Variants in ADAM22 observed in about 807,000 individuals in gnomAD.
The protein encoded by ADAM22 is disintegrin and metalloproteinase domain-containing protein 22.
In ADAM22, 65 loss-of-function variants were observed where a neutral mutation model predicts 144.6. The ratio of observed to expected loss-of-function variants is 0.45; its 90% CI spans 0.37 to 0.55. The LOEUF is 0.55. Ranked by LOEUF, ADAM22 falls within the 20% of genes least tolerant of loss-of-function variation. The probability of loss-of-function intolerance (pLI) is 0.00; values close to 1 mark genes in which losing one functional copy is unlikely to be tolerated. For missense variants in ADAM22, 974 were observed against 1,184.9 expected, an observed-to-expected ratio of 0.82 and a Z score of 2.61; for synonymous variants, 391 against 412.6, an observed-to-expected ratio of 0.95 and a Z score of 0.63.
At chr7:88,192,799 G>A (rs1849899747) in intron 30 of ADAM22, among the ~76,000 whole-genome samples, 2 of 152,152 alleles carry the variant, frequency 1.3e-5, no homozygotes, top group South Asian at 4.1e-4. Context: ...ACCATTATAA[G>A]CTCTTAGAAT....
intron 3 of ADAM22, among the ~76,000 whole-genome samples, chr7:88,050,922 G>A (rs921523744): frequency 4.6e-5 from 7 of 152,194 alleles, no homozygotes; most frequent in African/African-American, 1.7e-4. Context: ...TTTTAGACAT[G>A]AAGTCCTTGA....
intron 3 of ADAM22, among the ~76,000 whole-genome samples, chr7:88,054,285 AT>A (rs766079394): frequency 9.2e-5 from 14 of 152,350 alleles, no homozygotes; most frequent in Non-Finnish European, 1.9e-4. Context: ...CCAGAAACAT[AT>A]GAAAGTTCCT....
At chr7:88,151,391 T>C in intron 20 of ADAM22, 71 bp downstream of exon 20, 1 of 1,564,000 alleles carries the variant, frequency 6.4e-7, no homozygotes, top group Admixed American at 1.7e-5. Flanking sequence ...ACGTGTGTGC[T>C]GGAAGTAAAT....
chr7:88,153,390 G>T, intron 21 of ADAM22, 64 bp downstream of exon 21: 1 of 1,360,884 alleles, frequency 7.3e-7, no homozygotes, highest in South Asian at 1.3e-5. Context: ...TTTTTTGAGT[G>T]ACTAGGAAGT....
At chr7:88,120,164 T>G (rs932027263) in intron 7 of ADAM22, among the ~76,000 whole-genome samples, 3 of 150,878 alleles carry the variant, frequency 2.0e-5, no homozygotes, top group Non-Finnish European at 3.0e-5. Flanking sequence ...AGAACCACTG[T>G]TTTTTTTTAA....
intron 26 of ADAM22, among the ~76,000 whole-genome samples, chr7:88,176,909 T>C (rs1197910390): frequency 6.6e-6 from 1 of 152,008 alleles, no homozygotes; most frequent in Non-Finnish European, 1.5e-5. Flanking sequence ...GGATTACAGG[T>C]GTGTGCCACC....
intron 2 of ADAM22, among the ~76,000 whole-genome samples, chr7:87,937,040 T>G (rs939645748): frequency 6.6e-6 from 1 of 152,168 alleles, no homozygotes; most frequent in Non-Finnish European, 1.5e-5. Context: ...ACAGCAGCCT[T>G]GACCTCTTGG....
At chr7:88,079,575 T>C (rs1585511329) in intron 4 of ADAM22, among the ~76,000 whole-genome samples, 2 of 152,110 alleles carry the variant, frequency 1.3e-5, no homozygotes, top group Admixed American at 6.6e-5. Context: ...AGTCAAGACC[T>C]ATCAGTGTGC....
rs749335187 is a variant in ADAM22, at chr7:88,145,111, G to C, written c.1321-14G>C. The C allele has an allele frequency of 6.2e-7, 1 of 1,609,216 alleles. No homozygotes were observed. Among genetic ancestry groups the C allele is most frequent in the Non-Finnish European group, 8.5e-7 (1 of 1,178,596 alleles). ...TTTTCTATATTTTAGTTCACTTTTT[G>C]GTTTTCCTCACAGCTTCTTGATCCT... is the stretch of plus-strand genomic sequence containing the variant. On this transcript the variant is annotated splice_polypyrimidine_tract_variant and intron_variant, in intron 15 of 31. Coordinates refer to ENST00000413139, the MANE Select transcript of ADAM22 (RefSeq NM_001324418.2).
intron 3 of ADAM22, among the ~76,000 whole-genome samples, chr7:88,061,103 C>CA (rs541347471): frequency 5.2e-4 from 72 of 138,814 alleles, no homozygotes; most frequent in Middle Eastern, 3.7e-3. Flanking sequence ...GACTCTGTCT[C>CA]AAAAAAAAAA....
rs868537444 is a variant in ADAM22, at chr7:87,955,003, T to A, written c.246+19817T>A. Among the ~76,000 whole-genome samples, 82 of 152,340 alleles carry A rather than the reference T, an allele frequency of 5.4e-4. 1 individual carries two copies. Among genetic ancestry groups the A allele is most frequent in the Middle Eastern group, 3.4e-3 (1 of 294 alleles). Reference sequence around the variant, plus strand: ...AGCTCCATCAGCTCCTTTAAGCACTTCTCTGTATTGGTTATTCTAGTTATA... The same window carrying A: ...AGCTCCATCAGCTCCTTTAAGCACTACTCTGTATTGGTTATTCTAGTTATA... On this transcript the variant is annotated intron_variant, in intron 2 of 31. Coordinates refer to ENST00000413139, the MANE Select transcript of ADAM22 (RefSeq NM_001324418.2).
chr7:88,158,394 CA>C (rs1162350765), intron 22 of ADAM22, among the ~76,000 whole-genome samples: 1 of 152,038 alleles, frequency 6.6e-6, no homozygotes, highest in African/African-American at 2.4e-5. Context: ...AATATTGGAC[CA>C]AATGGATCTG....
intron 3 of ADAM22, among the ~76,000 whole-genome samples, chr7:87,985,852 G>A (rs549143287): frequency 6.0e-4 from 91 of 152,252 alleles, no homozygotes; most frequent in African/African-American, 2.1e-3. Context: ...TGGATCATAT[G>A]GTAGTTTCAT....
chr7:88,129,600 G>A (rs1216781705), intron 9 of ADAM22, among the ~76,000 whole-genome samples: 1 of 151,996 alleles, frequency 6.6e-6, no homozygotes, highest in African/African-American at 2.4e-5. Context: ...TATAAAATAA[G>A]TTATAACAAC....
At chr7:88,121,020 GTTTCC>G (rs968912849) in intron 7 of ADAM22, among the ~76,000 whole-genome samples, 2 of 151,952 alleles carry the variant, frequency 1.3e-5, no homozygotes, top group African/African-American at 4.8e-5. Flanking sequence ...GTTGAAAACA[GTTTCC>G]TTTCATCAAT....
chr7:88,032,609 G>C (rs1199805601), intron 3 of ADAM22, among the ~76,000 whole-genome samples: 1 of 152,174 alleles, frequency 6.6e-6, no homozygotes, highest in Non-Finnish European at 1.5e-5. Flanking sequence ...AGTCATTACT[G>C]TGTTTTGAAA....
chr7:88,053,628 G>GAA (rs1194276474), intron 3 of ADAM22, among the ~76,000 whole-genome samples: 1 of 113,660 alleles, frequency 8.8e-6, no homozygotes, highest in East Asian at 3.2e-4. Flanking sequence ...AAGAAAGAAA[G>GAA]AAAGAAAGAA....
intron 12 of ADAM22, among the ~76,000 whole-genome samples, chr7:88,133,480 G>A (rs1832297647): frequency 1.3e-5 from 2 of 151,822 alleles, no homozygotes; most frequent in African/African-American, 4.8e-5. Flanking sequence ...AGATAATATG[G>A]GATAATTATT....
chr7:87,935,714 C>T lies in ADAM22; in HGVS notation c.246+528C>T, dbSNP rs79582982. 2.9e-3 allele frequency among the ~76,000 whole-genome samples: 447 copies of T among 152,344 alleles called. 4 individuals carry two copies. The highest frequency in any genetic ancestry group is 0.01 in the African/African-American group (424 of 41,576). Reference sequence around the variant, plus strand: ...TGTGGACACCAGAGATATGCCCATTCACCCCTACCTTCTAGAAAAGGTGTC... The same window carrying T: ...TGTGGACACCAGAGATATGCCCATTTACCCCTACCTTCTAGAAAAGGTGTC... On this transcript the variant is annotated intron_variant, in intron 2 of 31. Coordinates refer to ENST00000413139, the MANE Select transcript of ADAM22 (RefSeq NM_001324418.2).
Sources: gnomAD v4.1 joint callset for allele counts (sites outside exome capture counted in the v4.1 genomes callset) on GRCh38, gnomAD v4.1.1 for gene constraint, MANE v1.5 for transcripts, NCBI Gene and HGNC (gene_info 2026-07-23, HGNC 2026-07-21) for gene names.